The following MBD5 variants were observed in gnomAD, a reference collection of about 807,000 sequenced individuals.
MBD5 encodes methyl-CpG binding domain protein 5.
A neutral mutation model predicts 117.3 loss-of-function variants in MBD5; 13 were observed. That is an observed-to-expected ratio of 0.11 (90% CI 0.07 to 0.18). MBD5 has a LOEUF of 0.18. Ranked by LOEUF, MBD5 falls within the 10% of genes least tolerant of loss-of-function variation. The pLI, the probability that MBD5 is intolerant of heterozygous loss-of-function variation, is 1.00. For synonymous variants in MBD5, 727 were observed against 766.4 expected (o/e 0.95, Z 0.85); for missense variants, 1,879 against 2,093.8 (o/e 0.90, Z 2.00).
chr2:148,118,435 A>AATATATAT (rs1553474121), intron 1 of MBD5, among the ~76,000 whole-genome samples: 1 of 148,490 alleles, frequency 6.7e-6, no homozygotes, highest in African/African-American at 2.5e-5. Context: ...CATAAAAAAA[A>AATATATAT]ATATATATAT....
chr2:148,455,758 GAA>G (rs35160968), intron 4 of MBD5, among the ~76,000 whole-genome samples: 1 of 134,258 alleles, frequency 7.4e-6, no homozygotes, highest in African/African-American at 2.7e-5. Context: ...AGAGCAGGCA[GAA>G]AAAAAAAAAA....
At chr2:148,490,996 C>T (rs903664088) in intron 11 of MBD5, among the ~76,000 whole-genome samples, 1 of 152,150 alleles carries the variant, frequency 6.6e-6, no homozygotes, top group Non-Finnish European at 1.5e-5. Flanking sequence ...GGGGTAAGGA[C>T]CCCCCAGGCA....
At chr2:148,023,995 A>G (rs1200689377) in intron 1 of MBD5, among the ~76,000 whole-genome samples, 1 of 152,146 alleles carries the variant, frequency 6.6e-6, no homozygotes, top group African/African-American at 2.4e-5. Flanking sequence ...AAGAACTTGA[A>G]CTTGCCTGAG....
At chr2:148,250,141 G>A (rs76633510) in intron 3 of MBD5, among the ~76,000 whole-genome samples, 19,295 of 152,112 alleles carry the variant, frequency 0.13, 1,480 homozygotes, top group Non-Finnish European at 0.18. Flanking sequence ...ACTTTTTCAA[G>A]CAAGATCATG....
chr2:148,309,340 T>A (rs994162914), intron 3 of MBD5, among the ~76,000 whole-genome samples: 1 of 152,192 alleles, frequency 6.6e-6, no homozygotes, highest in Non-Finnish European at 1.5e-5. Context: ...TCAGCAGTGG[T>A]TTGTAATTCT....
chr2:148,459,309 C>G (rs1185617715), intron 5 of MBD5, among the ~76,000 whole-genome samples: 1 of 152,098 alleles, frequency 6.6e-6, no homozygotes, highest in Admixed American at 6.6e-5. Context: ...ACTAAAAATA[C>G]ATTTCTTTTT....
chr2:148,218,804 G>A (rs944429698), intron 2 of MBD5, among the ~76,000 whole-genome samples: 5 of 152,180 alleles, frequency 3.3e-5, no homozygotes, highest in Admixed American at 1.3e-4. Context: ...TGGTACATCT[G>A]TATAGAAGAT....
At chr2:148,261,782 T>G (rs971811683) in intron 3 of MBD5, among the ~76,000 whole-genome samples, 2 of 152,238 alleles carry the variant, frequency 1.3e-5, no homozygotes, top group African/African-American at 4.8e-5. Flanking sequence ...GCCTGACATG[T>G]CTTCCTTACT....
intron 1 of MBD5, among the ~76,000 whole-genome samples, chr2:148,134,686 G>C (rs1393794659): frequency 6.6e-6 from 1 of 152,082 alleles, no homozygotes. Flanking sequence ...TGCTGACGTA[G>C]TTCAATACTT....
At chr2:148,343,282 A>G (rs982476870) in intron 4 of MBD5, among the ~76,000 whole-genome samples, 5 of 152,094 alleles carry the variant, frequency 3.3e-5, no homozygotes, top group Admixed American at 6.6e-5. Flanking sequence ...GCTTTTGGAT[A>G]TGTACCAAGT....
At chr2:148,119,178 T>C (rs1025665426) in intron 1 of MBD5, among the ~76,000 whole-genome samples, 2 of 152,200 alleles carry the variant, frequency 1.3e-5, no homozygotes, top group African/African-American at 2.4e-5. Context: ...TTACCAACAT[T>C]TTTATCTATC....
intron 3 of MBD5, among the ~76,000 whole-genome samples, chr2:148,293,173 T>C (rs903360427): frequency 1.7e-4 from 25 of 144,712 alleles, no homozygotes; most frequent in Non-Finnish European, 1.7e-4. Flanking sequence ...AAAAAAAAAT[T>C]AGCCAGGCAT....
At chr2:148,051,298 G>T in intron 1 of MBD5, among the ~76,000 whole-genome samples, 1 of 147,252 alleles carries the variant, frequency 6.8e-6, no homozygotes, top group Non-Finnish European at 1.5e-5. Flanking sequence ...GACCTTATTA[G>T]CTCTAAAATA....
intron 4 of MBD5, among the ~76,000 whole-genome samples, chr2:148,359,520 A>G (rs978874586): frequency 1.3e-5 from 2 of 152,166 alleles, no homozygotes; most frequent in African/African-American, 4.8e-5. Context: ...CTATTGCCAA[A>G]TAATGGAGTG....
chr2:148,398,011 C>T (rs1285762510), intron 4 of MBD5, among the ~76,000 whole-genome samples: 2 of 152,138 alleles, frequency 1.3e-5, no homozygotes, highest in Non-Finnish European at 2.9e-5. Flanking sequence ...ACATAGTATT[C>T]CATGGTGTAT....
At chr2:148,291,923 T>G (rs1267761370) in intron 3 of MBD5, among the ~76,000 whole-genome samples, 1 of 152,128 alleles carries the variant, frequency 6.6e-6, no homozygotes, top group Non-Finnish European at 1.5e-5. Context: ...ACACATACAG[T>G]GAACTCATTT....
intron 3 of MBD5, among the ~76,000 whole-genome samples, chr2:148,287,578 C>T (rs1202612079): frequency 6.6e-6 from 1 of 152,142 alleles, no homozygotes; most frequent in African/African-American, 2.4e-5. Flanking sequence ...TGTGTTGCTA[C>T]AACAGAATAC....
chr2:148,431,989 A>T (rs767809852), intron 4 of MBD5, among the ~76,000 whole-genome samples: 9 of 152,158 alleles, frequency 5.9e-5, no homozygotes, highest in Non-Finnish European at 1.2e-4. Flanking sequence ...GAACCAATTT[A>T]TACTCCCGTT....
intron 4 of MBD5, among the ~76,000 whole-genome samples, chr2:148,383,369 A>T (rs1704222964): frequency 6.6e-6 from 1 of 152,202 alleles, no homozygotes; most frequent in Non-Finnish European, 1.5e-5. Context: ...AAATGGATAA[A>T]TTCCTTGACA....
Sources: gnomAD v4.1 joint callset for allele counts (sites outside exome capture counted in the v4.1 genomes callset) on GRCh38, gnomAD v4.1.1 for gene constraint, MANE v1.5 for transcripts, NCBI Gene and HGNC (gene_info 2026-07-23, HGNC 2026-07-21) for gene names.